Variants in NFATC1 observed in about 807,000 individuals in gnomAD.
NFATC1 encodes the protein nuclear factor of activated T cells 1.
A neutral mutation model predicts 76.0 loss-of-function variants in NFATC1; 22 were observed. The observed-to-expected ratio is 0.29, with a 90% CI of 0.21 to 0.41. NFATC1 has a LOEUF of 0.41. Among genes scored for constraint, NFATC1 ranks in the 10% least tolerant of loss-of-function variants. The pLI is 1.00. For missense variants in NFATC1, 1,357 were observed against 1,337.7 expected (o/e 1.01, Z -0.23); for synonymous variants, 704 against 613.1 (o/e 1.15, Z -2.19).
intron 9 of NFATC1, among the ~76,000 whole-genome samples, chr18:79,522,054 G>A (rs2090611190): frequency 9.7e-6 from 1 of 103,568 alleles, no homozygotes; most frequent in Non-Finnish European, 2.0e-5. Context: ...GTGTGGGGAG[G>A]GGGCGTCCAC....
chr18:79,521,195 G>C (rs1461417078), intron 9 of NFATC1, among the ~76,000 whole-genome samples: 1 of 86,766 alleles, frequency 1.2e-5, no homozygotes, highest in Non-Finnish European at 2.2e-5. Flanking sequence ...GTGTGTGGGG[G>C]CATCAGCTGA....
rs372481825 is a variant in NFATC1 at position 79,517,433 on chromosome 18, C to T, written c.2783-10095C>T. Among the ~76,000 whole-genome samples the T allele has an allele frequency of 2.0e-4, 31 of 152,264 alleles. No individual in the cohort carries two copies. In the East Asian group the frequency reaches 3.7e-3, roughly 18 times the overall value. ...TGGTGGAGTAAGCTGGGGACAATTG[C>T]GTTCCTGCTGCAGGTTTAATTACGC... On this transcript the variant is annotated intron_variant, in intron 9 of 9. Coordinates refer to ENST00000427363, the MANE Select transcript of NFATC1 (RefSeq NM_001278669.2).
rs753161672 is a variant in NFATC1 at position 79,465,184 on chromosome 18, C to T, written c.1960-2266C>T. Among the ~76,000 whole-genome samples the T allele has an allele frequency of 2.6e-5, 4 of 152,156 alleles. No homozygotes were observed. The highest frequency in any genetic ancestry group is 5.9e-5 in the Non-Finnish European group (4 of 68,040). ...AGTTTCCCTCTCCCTTCCTGTTCTT[C>T]CGTGTTTCTTCTTTATCGCTTCCTT... On this transcript the variant is annotated intron_variant, in intron 7 of 9. Coordinates refer to ENST00000427363, the MANE Select transcript of NFATC1 (RefSeq NM_001278669.2). The surrounding 1 kb of genome is among the most constrained non-coding windows in gnomAD (Gnocchi z 4.2).
chr18:79,473,425 T>C (rs140690239), intron 8 of NFATC1, among the ~76,000 whole-genome samples: 40 of 152,214 alleles, frequency 2.6e-4, no homozygotes, highest in East Asian at 7.7e-4. Context: ...ACTGTCAACA[T>C]TGTAAACCTG....
At chr18:79,461,140 G>A (rs1303544333) in intron 6 of NFATC1, among the ~76,000 whole-genome samples, 171 bp from the exon 7 acceptor site, 1 of 150,362 alleles carries the variant, frequency 6.7e-6, no homozygotes, top group Admixed American at 6.6e-5. Context: ...GCCAGGGCAC[G>A]TGGCTCCTGA....
intron 3 of NFATC1, among the ~76,000 whole-genome samples, chr18:79,447,505 G>C (rs1237028009): frequency 6.6e-6 from 1 of 152,230 alleles, no homozygotes; most frequent in East Asian, 1.9e-4. Flanking sequence ...AGGGGTCGAC[G>C]CGTCCCAGGA....
In NFATC1 at chr18:79,396,216, G is replaced by A. The variant is rs1568901268; in HGVS notation, c.-9G>A. On this transcript the variant is annotated 5_prime_UTR_variant, in exon 1 of 10. Coordinates refer to ENST00000427363, the MANE Select transcript of NFATC1 (RefSeq NM_001278669.2). The stretch of plus-strand genomic sequence containing the variant: ...GCCCGCCGCTCCACTCCCCGCCGCC[G>A]CCGCGCGGATGCCAAGCACCAGCTT... 2.7e-6 allele frequency: 4 copies of A among 1,475,670 alleles called. No individual in the cohort carries two copies. The highest frequency in any genetic ancestry group is 3.6e-6 in the Non-Finnish European group (4 of 1,104,128). The allele number at this position is 1,475,670 out of a possible 1,614,324, so 91.4% of individuals were successfully genotyped here. A position where few individuals can be genotyped will look rare whatever the true frequency, so the allele number is the denominator to read the frequency against.
rs2148186344 is a variant in NFATC1, at chr18:79,410,602, T to C, written c.327T>C (p.Pro109=). 7 of 1,612,752 alleles carry C rather than the reference T, an allele frequency of 4.3e-6. No individual in the cohort carries two copies. Among genetic ancestry groups the C allele is most frequent in the African/African-American group, 1.3e-5 (1 of 75,022 alleles). Residue 109 remains proline (P), a synonymous_variant, in exon 2 of 10, where the codon CCT becomes CCC. Transcript: ENST00000427363. This position sits in a 1 kb window ranked among gnomAD's most constrained non-coding sequence, Gnocchi z 6.7. ...GYFLSSGHTR[P]DGAPALESPR... ...TCCTCTCCTCCGGCCACACCAGGCC[T>C]GATGGGGCCCCTGCCCTGGAGAGTC...
At chr18:79,500,949 A>G (rs970644370) in intron 9 of NFATC1, among the ~76,000 whole-genome samples, 2 of 152,178 alleles carry the variant, frequency 1.3e-5, no homozygotes, top group African/African-American at 4.8e-5. Flanking sequence ...TACTCCACAA[A>G]CTCTTCAGAA....
chr18:79,491,319 G>A (rs2089671363), intron 9 of NFATC1, among the ~76,000 whole-genome samples: 1 of 152,154 alleles, frequency 6.6e-6, no homozygotes, highest in African/African-American at 2.4e-5. Flanking sequence ...ACCTGGAGAA[G>A]GAGCAGAGAC....
chr18:79,404,133 A>AG (rs1409629928), intron 1 of NFATC1, among the ~76,000 whole-genome samples: 2 of 152,236 alleles, frequency 1.3e-5, no homozygotes, highest in African/African-American at 2.4e-5. Flanking sequence ...GAATTCAAAA[A>AG]GGATGCTTTA....
chr18:79,452,893 C>T (rs898433721), intron 6 of NFATC1, among the ~76,000 whole-genome samples: 1 of 152,208 alleles, frequency 6.6e-6, no homozygotes, highest in Non-Finnish European at 1.5e-5. Flanking sequence ...TACTCCAATC[C>T]CTGGAAACCG....
chr18:79,451,001 T>C lies in NFATC1; in HGVS notation c.1637T>C (p.Leu546Pro). 1 of 1,613,846 alleles carries C rather than the reference T, an allele frequency of 6.2e-7. No individual in the cohort carries two copies. Among genetic ancestry groups the C allele is most frequent in the Non-Finnish European group, 8.5e-7 (1 of 1,179,988 alleles). The change falls in exon 5 of 10, where the codon CTT (leucine) becomes CCT (proline). Residue 546 changes from leucine (L) to proline (P), a missense_variant. Around this residue, in one of 3 missense-constraint regions of NFATC1, gnomAD observed 242 missense variants for 329.2 expected, o/e 0.74. Transcript: ENST00000427363. ...AAACTCAGAAACTCCGACATTGAACTTCGGAAAGGAGAGACGGACATCGGG... is the reference window on the plus strand; with the variant it reads ...AAACTCAGAAACTCCGACATTGAACCTCGGAAAGGAGAGACGGACATCGGG... The part of the protein sequence containing the change: ...ILKLRNSDIE[L>P]RKGETDIGRK...
intron 2 of NFATC1, among the ~76,000 whole-genome samples, chr18:79,431,435 C>A (rs927236855): frequency 6.6e-6 from 1 of 152,188 alleles, no homozygotes; most frequent in Non-Finnish European, 1.5e-5. Flanking sequence ...TCACTGCCAT[C>A]TCAACCTCCC....
At chr18:79,443,219 GAATTGAGC>G (rs1263080375) in intron 3 of NFATC1, among the ~76,000 whole-genome samples, 1 of 152,166 alleles carries the variant, frequency 6.6e-6, no homozygotes, top group African/African-American at 2.4e-5. Flanking sequence ...AGGATTCTCA[GAATTGAGC>G]TGACACTCCG....
chr18:79,482,899 GTGACCTGGTCC>G (rs1449316522), intron 8 of NFATC1, among the ~76,000 whole-genome samples: 1 of 133,128 alleles, frequency 7.5e-6, no homozygotes, highest in Admixed American at 7.8e-5. Flanking sequence ...TCATTCCAGC[GTGACCTGGTCC>G]TGGGGTGTCA....
chr18:79,463,764 C>T (rs1405842544), intron 7 of NFATC1, among the ~76,000 whole-genome samples: 2 of 152,260 alleles, frequency 1.3e-5, no homozygotes, highest in Non-Finnish European at 2.9e-5. Context: ...GCTGCCTACC[C>T]TCCCTAGCCC....
At chr18:79,448,163 A>T (rs1017645076) in intron 3 of NFATC1, 25 of 154,524 alleles carry the variant, frequency 1.6e-4, no homozygotes, top group Admixed American at 1.4e-3. Context: ...ACCTCCATGC[A>T]TGGTTGCCCT....
At chr18:79,467,331 A>G in intron 7 of NFATC1, 119 bp from the exon 8 acceptor site, 1 of 990,032 alleles carries the variant, frequency 1.0e-6, no homozygotes, top group Non-Finnish European at 1.5e-6. Flanking sequence ...GCCGCCGTGG[A>G]AACGCGGGGT....
Sources: allele counts gnomAD v4.1 joint callset (sites outside exome capture counted in the v4.1 genomes callset), GRCh38; gene constraint gnomAD v4.1.1; regional missense constraint gnomAD v4.1.1; non-coding constraint Gnocchi (gnomAD v3.1); transcripts MANE v1.5; gene names NCBI Gene and HGNC (gene_info 2026-07-23, HGNC 2026-07-21).